Variants in AR observed in about 807,000 individuals in gnomAD.
AR encodes dihydrotestosterone receptor.
A neutral mutation model predicts 53.9 loss-of-function variants in AR; 8 were observed. The ratio of observed to expected loss-of-function variants is 0.15; its 90% CI spans 0.09 to 0.27. The LOEUF (loss-of-function observed/expected upper bound fraction) is 0.27. Among genes scored for constraint, AR ranks in the 10% least tolerant of loss-of-function variants. AR has a pLI of 1.00. For missense variants in AR, 639 were observed against 742.5 expected, an observed-to-expected ratio of 0.86 and a Z score of 1.62; for synonymous variants, 359 against 316.4, an observed-to-expected ratio of 1.13 and a Z score of -1.43.
intron 2 of AR, among the ~76,000 whole-genome samples, chrX:67,650,536 A>G (rs1926285718): frequency 8.9e-6 from 1 of 112,460 alleles, no homozygotes. Context: ...CAAGGAGCAT[A>G]CTGCTCCTCA....
intron 2 of AR, among the ~76,000 whole-genome samples, chrX:67,663,450 G>A (rs1261781697): frequency 8.9e-6 from 1 of 112,021 alleles, no homozygotes; most frequent in Non-Finnish European, 1.9e-5. Flanking sequence ...TTGAATATTG[G>A]CCCCCACTCT....
At chrX:67,677,004 A>G (rs2075904267) in intron 2 of AR, among the ~76,000 whole-genome samples, 2 of 110,387 alleles carry the variant, frequency 1.8e-5, no homozygotes, top group African/African-American at 6.6e-5. Flanking sequence ...GTGGGCAGAC[A>G]AGGAGGTGAT....
At chrX:67,660,730 G>T (rs892283451) in intron 2 of AR, among the ~76,000 whole-genome samples, 1 of 111,667 alleles carries the variant, frequency 9.0e-6, no homozygotes, top group Non-Finnish European at 1.9e-5. Flanking sequence ...CTTTAAAGTA[G>T]TTTTTTCCAT....
At chrX:67,608,146 C>T (rs1298667152) in intron 1 of AR, among the ~76,000 whole-genome samples, 2 of 112,093 alleles carry the variant, frequency 1.8e-5, no homozygotes, top group East Asian at 5.6e-4. Context: ...AATGGAAATA[C>T]AGTAGCAGGC....
intron 2 of AR, among the ~76,000 whole-genome samples, chrX:67,657,715 A>T (rs1466538499): frequency 8.9e-6 from 1 of 111,848 alleles, no homozygotes; most frequent in African/African-American, 3.2e-5. Context: ...TAACACAACA[A>T]ATACTTAAAA....
At position 67,544,737 on chromosome X, in the gene AR, A is replaced by G. The variant is rs1488549858; in HGVS notation, c.-410A>G. ...AAAGGCAGTCAGGTCTTCAGTAGCC[A>G]AAAAACAAAACAAACAAAAACAAAA... is the stretch of plus-strand genomic sequence containing the variant. On this transcript the variant is annotated 5_prime_UTR_variant, in exon 1 of 8. Transcript: ENST00000374690. 3.4e-5 allele frequency: 6 copies of G among 177,216 alleles called. No individual in the cohort carries two copies. The highest frequency in any genetic ancestry group is 1.8e-4 in the African/African-American group (6 of 33,661). 14.6% of individuals were successfully genotyped at this position (177,216 alleles called of 1,213,427 possible).
At chrX:67,713,270 G>T (rs747664298) in intron 4 of AR, among the ~76,000 whole-genome samples, 2 of 110,543 alleles carry the variant, frequency 1.8e-5, no homozygotes, top group South Asian at 7.8e-4. Flanking sequence ...TACCTTCTCA[G>T]CTTGGGAAGC....
chrX:67,545,030 C>G lies in AR; in HGVS notation c.-117C>G. ...AAGTTTCCTTCTCTGGAGCTTCCCG[C>G]AGGTGGGCAGCTAGCTGCAGCGACT... On this transcript the variant is annotated 5_prime_UTR_variant, in exon 1 of 8. Transcript: ENST00000374690. 1.9e-6 allele frequency: 2 copies of G among 1,042,108 alleles called. No homozygotes were observed. Among genetic ancestry groups the G allele is most frequent in the Non-Finnish European group, 2.5e-6 (2 of 792,701 alleles). The allele number at this position is 1,042,108 out of a possible 1,213,427, so 85.9% of individuals were successfully genotyped here.
chrX:67,723,620 G>A (rs2147539700), intron 7 of AR, 66 bp from the exon 8 acceptor site: 4 of 1,162,292 alleles, frequency 3.4e-6, no homozygotes, highest in Non-Finnish European at 4.7e-6. Context: ...CAGAGGTTGG[G>A]GAAGAGGCTA....
intron 1 of AR, among the ~76,000 whole-genome samples, chrX:67,622,774 T>A (rs1928459927): frequency 8.9e-6 from 1 of 111,742 alleles, no homozygotes; most frequent in Admixed American, 9.5e-5. Flanking sequence ...GGCAGTTACC[T>A]CCTAGTATCT....
intron 1 of AR, among the ~76,000 whole-genome samples, chrX:67,635,206 C>G (rs1205540824): frequency 9.0e-6 from 1 of 111,380 alleles, no homozygotes; most frequent in African/African-American, 3.3e-5. Context: ...GTGGCAGGCA[C>G]AGAGGCAAGG....
chrX:67,629,488 C>G (rs1924928525), intron 1 of AR, among the ~76,000 whole-genome samples: 1 of 106,363 alleles, frequency 9.4e-6, no homozygotes, highest in African/African-American at 3.4e-5. Flanking sequence ...GTGATATCCC[C>G]TTTATCATTT....
chrX:67,694,350 C>A (rs780069697), intron 3 of AR, among the ~76,000 whole-genome samples: 242 of 109,858 alleles, frequency 2.2e-3, no homozygotes, highest in Non-Finnish European at 3.9e-3. Flanking sequence ...ACCCCACCCC[C>A]ACATACACAC....
intron 1 of AR, among the ~76,000 whole-genome samples, chrX:67,594,699 G>T (rs775850504): frequency 8.9e-6 from 1 of 112,050 alleles, no homozygotes; most frequent in African/African-American, 3.2e-5. Flanking sequence ...TGTAATCCCA[G>T]CACTTTGGGA....
chrX:67,548,811 C>G (rs1192173107), intron 1 of AR, among the ~76,000 whole-genome samples: 3 of 111,810 alleles, frequency 2.7e-5, no homozygotes, highest in African/African-American at 6.5e-5. Context: ...TATCTTGGTG[C>G]CTCCTTGACA....
rs1043619278 is a variant in AR at position 67,554,877 on chromosome X, A to G, written c.1616+8115A>G. Among the ~76,000 whole-genome samples the G allele has an allele frequency of 4.4e-4, 47 of 105,944 alleles. 1 individual carries two copies. Among genetic ancestry groups the G allele is most frequent in the Non-Finnish European group, 8.1e-4 (42 of 51,552 alleles). The allele number at this position is 105,944 out of a possible 115,157, so 92.0% of individuals were successfully genotyped here. Reference sequence around the variant, plus strand: ...CTTAAGCCTAAGAGGCAGAGGTTGCAGTGAGCCGAGATCATGCCACTGCAC... The same window carrying G: ...CTTAAGCCTAAGAGGCAGAGGTTGCGGTGAGCCGAGATCATGCCACTGCAC... On this transcript the variant is annotated intron_variant, in intron 1 of 7. Transcript: ENST00000374690.
At chrX:67,693,837 G>A (rs955565724) in intron 3 of AR, among the ~76,000 whole-genome samples, 11 of 112,061 alleles carry the variant, frequency 9.8e-5, no homozygotes, top group African/African-American at 3.6e-4. Context: ...CTCAACCAAG[G>A]CATAGAAATA....
chrX:67,708,905 A>G (rs959067583), intron 3 of AR, among the ~76,000 whole-genome samples: 2 of 111,848 alleles, frequency 1.8e-5, no homozygotes, highest in African/African-American at 6.5e-5. Flanking sequence ...CTGGAGGTCC[A>G]CTCTAGACCC....
At chrX:67,547,844 AAGTT>A in intron 1 of AR, among the ~76,000 whole-genome samples, 1 of 111,910 alleles carries the variant, frequency 8.9e-6, no homozygotes, top group East Asian at 2.8e-4. Context: ...TCTTACCCCA[AAGTT>A]TTAATTAGCA....
Sources: allele counts gnomAD v4.1 joint callset (sites outside exome capture counted in the v4.1 genomes callset), GRCh38; gene constraint gnomAD v4.1.1; transcripts MANE v1.5; gene names NCBI Gene and HGNC (gene_info 2026-07-23, HGNC 2026-07-21).